Variants in AMZ1 observed in about 807,000 individuals in gnomAD.
AMZ1 encodes archaelysin family metallopeptidase 1.
A neutral mutation model predicts 29.9 loss-of-function variants in AMZ1; 39 were observed. The ratio of observed to expected loss-of-function variants is 1.30; its 90% CI spans 1.01 to 1.70. The LOEUF (loss-of-function observed/expected upper bound fraction) is 1.70, where lower values mean the gene tolerates loss of function less well. AMZ1 is among the 40% of genes most tolerant of loss of function. The probability of loss-of-function intolerance (pLI) is 0.00; values close to 1 mark genes in which losing one functional copy is unlikely to be tolerated. For synonymous variants in AMZ1, 458 were observed against 304.0 expected (o/e 1.51, Z -5.27); for missense variants, 1,041 against 680.6 (o/e 1.53, Z -5.89).
intron 1 of AMZ1, among the ~76,000 whole-genome samples, chr7:2,680,419 C>A (rs1006185456): frequency 7.9e-5 from 12 of 152,308 alleles, no homozygotes; most frequent in Admixed American, 2.0e-4. Flanking sequence ...TCCTGCAGGG[C>A]TTCTCCAGGT....
chr7:2,704,148 C>A (rs1788215883), intron 3 of AMZ1, among the ~76,000 whole-genome samples: 2 of 152,222 alleles, frequency 1.3e-5, no homozygotes, highest in Non-Finnish European at 2.9e-5. Flanking sequence ...ATTGGCCTCC[C>A]AAAGTGCTGG....
intron 4 of AMZ1, among the ~76,000 whole-genome samples, chr7:2,754,695 G>C (rs1791207388): frequency 6.6e-6 from 1 of 152,166 alleles, no homozygotes; most frequent in South Asian, 2.1e-4. Context: ...GCTGCAGTGA[G>C]CTATGATCAC....
At chr7:2,699,877 C>T (rs1460333735) in intron 1 of AMZ1, among the ~76,000 whole-genome samples, 1 of 152,160 alleles carries the variant, frequency 6.6e-6, no homozygotes, top group Non-Finnish European at 1.5e-5. Flanking sequence ...GGAAGAATGG[C>T]CTTGGGGGCC....
upstream of AMZ1, among the ~76,000 whole-genome samples, chr7:2,686,250 A>G (rs966664538): frequency 6.6e-6 from 1 of 152,190 alleles, no homozygotes; most frequent in Non-Finnish European, 1.5e-5. Flanking sequence ...ATATGTATTT[A>G]GGCTGGGCAC....
chr7:2,744,243 G>A (rs1215650373), intron 4 of AMZ1, among the ~76,000 whole-genome samples: 2 of 152,240 alleles, frequency 1.3e-5, no homozygotes, highest in Non-Finnish European at 2.9e-5. Flanking sequence ...CCCTGACCCT[G>A]AGTAGCCTAA....
chr7:2,699,519 C>T (rs1392341659), intron 1 of AMZ1, among the ~76,000 whole-genome samples: 6 of 148,402 alleles, frequency 4.0e-5, no homozygotes, highest in Admixed American at 7.0e-5. Flanking sequence ...GCTGTTGGGG[C>T]TGCGTACCCC....
In AMZ1 at chr7:2,712,620, G is replaced by A; in HGVS notation, c.1239G>A (p.Met413Ile). The change falls in exon 7 of 7, where the codon ATG (methionine) becomes ATA (isoleucine). Residue 413 changes from methionine (M) to isoleucine (I), a missense_variant. By Grantham distance (10) the Met-to-Ile change is conservative. Coordinates refer to ENST00000683327, the MANE Select transcript of AMZ1 (RefSeq NM_001384743.1). The part of the protein sequence containing the change: ...AIKEHERWLA[M>I]CIQALQREVA... ...AGGAGCATGAACGGTGGCTGGCCAT[G>A]TGCATCCAGGCCCTGCAGCGGGAAG... 2 of 1,612,968 alleles carry A rather than the reference G, an allele frequency of 1.2e-6. No homozygotes were observed. Among genetic ancestry groups the A allele is most frequent in the African/African-American group, 1.3e-5 (1 of 75,046 alleles).
At chr7:2,688,736 CTCG>C (rs1160377023) in intron 1 of AMZ1, among the ~76,000 whole-genome samples, 1 of 152,178 alleles carries the variant, frequency 6.6e-6, no homozygotes, top group Non-Finnish European at 1.5e-5. Flanking sequence ...CGCCGAGAAT[CTCG>C]TCGTGCCCAG....
At position 2,713,174 on chromosome 7, in the gene AMZ1, C is replaced by T. The variant is rs530551064; in HGVS notation, c.*296C>T. Reference sequence around the variant, plus strand: ...GGAGGATTGCTTGAGCCTAGGAGGTCGAGGCTGCAGTGGGATGTGATCATA... The same window carrying T: ...GGAGGATTGCTTGAGCCTAGGAGGTTGAGGCTGCAGTGGGATGTGATCATA... On this transcript the variant is annotated 3_prime_UTR_variant, in exon 7 of 7. Transcript: ENST00000683327. 10 of 266,392 alleles carry T rather than the reference C, an allele frequency of 3.8e-5. No individual in the cohort carries two copies. Among genetic ancestry groups the T allele is most frequent in the African/African-American group, 8.8e-5 (4 of 45,344 alleles). The allele number at this position is 266,392 out of a possible 1,614,324, so 16.5% of individuals were successfully genotyped here. A position where few individuals can be genotyped will look rare whatever the true frequency, so the allele number is the denominator to read the frequency against.
At chr7:2,727,821 G>A (rs1413294717) in intron 4 of AMZ1, among the ~76,000 whole-genome samples, 2 of 151,796 alleles carry the variant, frequency 1.3e-5, no homozygotes, top group Non-Finnish European at 2.9e-5. Context: ...GCTGTGGGAG[G>A]CTGAGGTGGG....
intron 5 of AMZ1, 35 bp downstream of exon 5, chr7:2,709,279 A>G: frequency 6.8e-7 from 1 of 1,477,534 alleles, no homozygotes; most frequent in South Asian, 1.4e-5. Context: ...AAGAGGGGAC[A>G]GGAGGGTGCT....
intron 2 of AMZ1, among the ~76,000 whole-genome samples, chr7:2,701,342 GGTCACT>G (rs1788041697): frequency 6.6e-6 from 1 of 152,190 alleles, no homozygotes; most frequent in Admixed American, 6.6e-5. Context: ...TGGCAGAGCT[GGTCACT>G]GGTAGGGACG....
At chr7:2,721,381 G>A (rs1296505247), downstream of AMZ1, among the ~76,000 whole-genome samples, 3 of 152,206 alleles carry the variant, frequency 2.0e-5, no homozygotes, top group South Asian at 2.1e-4. Flanking sequence ...CCGTGGATGC[G>A]ACGCATGCTG....
chr7:2,745,984 T>TA (rs1421553960), intron 4 of AMZ1, among the ~76,000 whole-genome samples: 3 of 152,118 alleles, frequency 2.0e-5, no homozygotes, highest in Non-Finnish European at 4.4e-5. Flanking sequence ...CCTAAATATA[T>TA]ATGCAAACAA....
At chr7:2,722,814 A>T (rs1251556535), downstream of AMZ1, among the ~76,000 whole-genome samples, 1 of 151,974 alleles carries the variant, frequency 6.6e-6, no homozygotes, top group Non-Finnish European at 1.5e-5. Context: ...CTCTATACAA[A>T]ATTTAAAAAT....
At position 2,719,452 on chromosome 7, in the gene AMZ1, C is replaced by G. The variant is rs1789324418; in HGVS notation, c.*6574C>G. 6.6e-6 allele frequency among the ~76,000 whole-genome samples: 1 copy of G among 152,228 alleles called. No homozygotes were observed. The highest frequency in any genetic ancestry group is 2.4e-5 in the African/African-American group (1 of 41,458). On this transcript the variant is annotated 3_prime_UTR_variant, in exon 7 of 7. Coordinates refer to ENST00000683327, the MANE Select transcript of AMZ1 (RefSeq NM_001384743.1). ...CCCGACGCACAAGTCCCACAATAGC[C>G]TCTCCCAACGGGAACGACTTAGCCC...
chr7:2,741,032 G>A (rs9770108), intron 4 of AMZ1, among the ~76,000 whole-genome samples: 20,636 of 151,866 alleles, frequency 0.14, 1,486 homozygotes, highest in Middle Eastern at 0.19. Context: ...GCGACAGAGC[G>A]AGACTCCGTC....
At chr7:2,739,477 C>A (rs1790387957) in intron 4 of AMZ1, among the ~76,000 whole-genome samples, 1 of 103,406 alleles carries the variant, frequency 9.7e-6, no homozygotes. Flanking sequence ...ATTTTACGGC[C>A]AATATATATA....
In AMZ1 at chr7:2,681,713, T is replaced by C. The variant is rs1231947754; in HGVS notation, c.-219+2042T>C. Among the ~76,000 whole-genome samples, 10 of 152,242 alleles carry C rather than the reference T, an allele frequency of 6.6e-5. No individual in the cohort carries two copies. In the East Asian group the frequency reaches 1.7e-3, roughly 26 times the overall value. On this transcript the variant is annotated intron_variant, in intron 1 of 6. Transcript: ENST00000312371. ...CCCACGTGCCTGGTCCGTGTGTCTTTTCCTGCTGGAGAAACTACATGTGGG... is the reference window on the plus strand; with the variant it reads ...CCCACGTGCCTGGTCCGTGTGTCTTCTCCTGCTGGAGAAACTACATGTGGG...
Sources: allele counts gnomAD v4.1 joint callset (sites outside exome capture counted in the v4.1 genomes callset), GRCh38; gene constraint gnomAD v4.1.1; transcripts MANE v1.5; gene names NCBI Gene and HGNC (gene_info 2026-07-23, HGNC 2026-07-21).